Variants in DCUN1D3 observed in about 807,000 individuals in gnomAD.
DCUN1D3 encodes DCN1-like protein 3.
In DCUN1D3, 6 loss-of-function variants were observed where a neutral mutation model predicts 24.8. That is an observed-to-expected ratio of 0.24 (90% CI 0.13 to 0.48). The LOEUF is 0.48. Among genes scored for constraint, DCUN1D3 ranks in the 20% least tolerant of loss-of-function variants. DCUN1D3 has a pLI of 0.99. For synonymous variants in DCUN1D3, 120 were observed against 144.9 expected (o/e 0.83, Z 1.24); for missense variants, 258 against 379.4 (o/e 0.68, Z 2.66).
intron 1 of DCUN1D3, among the ~76,000 whole-genome samples, chr16:20,871,524 AC>A (rs1352386282): frequency 6.6e-6 from 1 of 152,170 alleles, no homozygotes; most frequent in Non-Finnish European, 1.5e-5. Flanking sequence ...CTCGCATTGC[AC>A]CCTTTGAATT....
In DCUN1D3 at chr16:20,860,151, T is replaced by C. The variant is rs1384055824; in HGVS notation, c.650A>G (p.Asn217Ser). Reference sequence around the variant, plus strand: ...TAGCCATTGGTCCAATACCGGAGGATTGTTCTGGGTAAAGACTAGTTTCCA... The same window carrying C: ...TAGCCATTGGTCCAATACCGGAGGACTGTTCTGGGTAAAGACTAGTTTCCA... ...ALWKLVFTQN[N>S]PPVLDQWLNF... is the part of the protein sequence containing the mutation. Residue 217 changes from asparagine to serine, a missense_variant, in exon 3 of 3, where the codon AAT (asparagine) becomes AGT (serine). Coordinates refer to ENST00000324344, the MANE Select transcript of DCUN1D3 (RefSeq NM_173475.4). This position sits in a 1 kb window ranked among gnomAD's most constrained non-coding sequence, Gnocchi z 4.3. 9.3e-6 allele frequency: 15 copies of C among 1,614,096 alleles called. No individual in the cohort carries two copies. The highest frequency in any genetic ancestry group is 4.0e-5 in the African/African-American group (3 of 74,922).
chr16:20,896,744 G>T (rs1422147128), intron 1 of DCUN1D3, among the ~76,000 whole-genome samples: 1 of 152,190 alleles, frequency 6.6e-6, no homozygotes, highest in African/African-American at 2.4e-5. Flanking sequence ...TTTAACCTGG[G>T]CCAAAGCCAA....
intron 1 of DCUN1D3, among the ~76,000 whole-genome samples, chr16:20,866,547 C>T: frequency 6.6e-6 from 1 of 152,194 alleles, no homozygotes; most frequent in Non-Finnish European, 1.5e-5. Flanking sequence ...CCCAAAGAGG[C>T]CCTAATCCCA....
Position 20,859,696 on chromosome 16 carries a change from A to G in DCUN1D3, c.*190T>C, listed in dbSNP as rs1295181805. The G allele has an allele frequency of 1.3e-6, 1 of 752,486 alleles. No individual in the cohort carries two copies. The allele number at this position is 752,486 out of a possible 1,614,324, so 46.6% of individuals were successfully genotyped here. On this transcript the variant is annotated 3_prime_UTR_variant, in exon 3 of 3. Transcript: ENST00000324344. ...AGATCCCCCCAAAAAGGAAATAACC[A>G]AAATAACCAAAAAAATGAAGAAAGT...
intron 1 of DCUN1D3, among the ~76,000 whole-genome samples, chr16:20,864,534 C>T (rs942534555): frequency 4.0e-5 from 6 of 151,652 alleles, no homozygotes; most frequent in South Asian, 2.1e-4. Context: ...CACTTATACA[C>T]GGCTGGTGGG....
intron 1 of DCUN1D3, among the ~76,000 whole-genome samples, chr16:20,882,658 T>A (rs2081850229): frequency 6.6e-6 from 1 of 152,214 alleles, no homozygotes; most frequent in Non-Finnish European, 1.5e-5. Flanking sequence ...AAGAGCAAGA[T>A]CTACAATAGG....
intron 1 of DCUN1D3, among the ~76,000 whole-genome samples, chr16:20,880,630 CAGAAAAA>C (rs1309486055): frequency 3.9e-4 from 29 of 74,772 alleles, no homozygotes; most frequent in African/African-American, 9.5e-4. Flanking sequence ...AAAAAAAAAA[CAGAAAAA>C]AGAAAAAAGA....
intron 1 of DCUN1D3, among the ~76,000 whole-genome samples, chr16:20,895,387 T>C (rs1223025693): frequency 6.6e-6 from 1 of 152,146 alleles, no homozygotes; most frequent in African/African-American, 2.4e-5. Flanking sequence ...AGTAGCCTCC[T>C]AACGTGCTGG....
chr16:20,886,327 C>T (rs1041009114), intron 1 of DCUN1D3, among the ~76,000 whole-genome samples: 2 of 152,178 alleles, frequency 1.3e-5, no homozygotes, highest in African/African-American at 4.8e-5. Context: ...GTCTTGGAAC[C>T]TACAAACTTC....
intron 1 of DCUN1D3, among the ~76,000 whole-genome samples, chr16:20,868,064 T>C (rs896595737): frequency 6.6e-6 from 1 of 152,194 alleles, no homozygotes; most frequent in African/African-American, 2.4e-5. Context: ...CCCTCTCCAC[T>C]TAGTCCCAAC....
chr16:20,896,350 T>G (rs2081915799), intron 1 of DCUN1D3: 1 of 152,208 alleles, frequency 6.6e-6, no homozygotes, highest in Non-Finnish European at 1.5e-5. Flanking sequence ...CTTTCTAGGT[T>G]GCCCACCTTT....
At chr16:20,899,573 AATT>A (rs1285281889) in intron 1 of DCUN1D3, among the ~76,000 whole-genome samples, 2 of 152,182 alleles carry the variant, frequency 1.3e-5, no homozygotes, top group African/African-American at 4.8e-5. Context: ...AGCCACAGAG[AATT>A]AAAGTGGAAA....
intron 1 of DCUN1D3, among the ~76,000 whole-genome samples, chr16:20,897,409 T>C (rs1270967807): frequency 1.3e-5 from 2 of 152,214 alleles, no homozygotes; most frequent in African/African-American, 2.4e-5. Context: ...CACAGTGGAA[T>C]TGAGCCCCAC....
At chr16:20,861,182 C>A (rs887622397) in intron 2 of DCUN1D3, among the ~76,000 whole-genome samples, 2 of 152,232 alleles carry the variant, frequency 1.3e-5, no homozygotes, top group Non-Finnish European at 2.9e-5. Context: ...TTATTATACA[C>A]AGGCCTGGCT....
In DCUN1D3 at chr16:20,862,585, C is replaced by A; in HGVS notation, c.-47G>T. 6.5e-7 allele frequency: 1 copy of A among 1,550,104 alleles called. No individual in the cohort carries two copies. Among genetic ancestry groups the A allele is most frequent in the Non-Finnish European group, 8.6e-7 (1 of 1,156,120 alleles). On this transcript the variant is annotated 5_prime_UTR_variant, in exon 2 of 3. Transcript: ENST00000324344. ...AGAGTGGACCCCTCTGGATTGGATG[C>A]CCTCGCTGCCGCTGGCCCATGTACC...
intron 1 of DCUN1D3, among the ~76,000 whole-genome samples, chr16:20,895,049 A>AT (rs1026369763): frequency 5.3e-5 from 8 of 152,158 alleles, no homozygotes; most frequent in Admixed American, 2.0e-4. Context: ...AATAATATGA[A>AT]TTTTTTAAAA....
rs2081725340 is a variant in DCUN1D3, at chr16:20,860,334, G to A, written c.467C>T (p.Ala156Val). The change falls in exon 3 of 3, where the codon GCA becomes GTA. Residue 156 changes from alanine (A) to valine (V), a missense_variant. By Grantham distance (64) the Ala-to-Val change is moderately conservative (BLOSUM62 0). Coordinates refer to ENST00000324344, the MANE Select transcript of DCUN1D3 (RefSeq NM_173475.4). The surrounding 1 kb of genome is among the most constrained non-coding windows in gnomAD (Gnocchi z 4.3). The part of the protein sequence containing the change: ...EFFDGCKAIS[A>V]DSIDGICARF... ...TGCACAGATTCCGTCAATGCTGTCT[G>A]CACTTATTGCTTTGCAGCCATCAAA... is the stretch of plus-strand genomic sequence containing the variant. 6.2e-7 allele frequency: 1 copy of A among 1,613,356 alleles called. No homozygotes were observed. The highest frequency in any genetic ancestry group is 1.3e-5 in the African/African-American group (1 of 74,874).
chr16:20,862,044 A>G, intron 2 of DCUN1D3, 64 bp downstream of exon 2: 1 of 1,550,510 alleles, frequency 6.4e-7, no homozygotes. Context: ...GCTGGGCACC[A>G]CTGCCCAATG....
chr16:20,860,190 A>G lies in DCUN1D3; in HGVS notation c.611T>C (p.Ile204Thr), dbSNP rs1265490547. 3 of 1,614,226 alleles carry G rather than the reference A, an allele frequency of 1.9e-6. No individual in the cohort carries two copies. Among genetic ancestry groups the G allele is most frequent in the Admixed American group, 1.7e-5 (1 of 60,024 alleles). The change falls in exon 3 of 3, where the codon ATA becomes ACA. Residue 204 changes from isoleucine to threonine, a missense_variant. Transcript: ENST00000324344. The surrounding 1 kb of genome is among the most constrained non-coding windows in gnomAD (Gnocchi z 4.3). ...GACTAGTTTCCACAGGGCAATGGCT[A>G]TTTCCCGATGCAGTGACCGCTGCCC... The part of the protein sequence containing the change: ...EEGQRSLHRE[I>T]AIALWKLVFT...
Sources: gnomAD v4.1 joint callset for allele counts (sites outside exome capture counted in the v4.1 genomes callset) on GRCh38, gnomAD v4.1.1 for gene constraint, Gnocchi (gnomAD v3.1) non-coding constraint, MANE v1.5 for transcripts, NCBI Gene and HGNC (gene_info 2026-07-23, HGNC 2026-07-21) for gene names.